The following STK39 variants were observed in gnomAD, a reference collection of about 807,000 sequenced individuals.
STK39 encodes the protein serine/threonine kinase 39.
STK39 carries 20 observed loss-of-function variants against 77.8 expected under a neutral mutation model. The observed-to-expected ratio is 0.26, with a 90% CI of 0.18 to 0.37. The LOEUF is 0.37. Among genes scored for constraint, STK39 ranks in the 10% least tolerant of loss-of-function variants. STK39 has a pLI of 1.00. For synonymous variants in STK39, 246 were observed against 234.1 expected, an observed-to-expected ratio of 1.05 and a Z score of -0.47; for missense variants, 479 against 656.5, an observed-to-expected ratio of 0.73 and a Z score of 2.95.
rs1690972465 is a variant in STK39, at chr2:168,247,557, C to G, written c.-122G>C. ...ACGCCCTCCCCGCCCGCCGCCGCCG[C>G]CGCCGTCCCCGCCGAAGCCAGCTAG... On this transcript the variant is annotated 5_prime_UTR_variant, in exon 1 of 18. Coordinates refer to ENST00000355999, the MANE Select transcript of STK39 (RefSeq NM_013233.3). The G allele has an allele frequency of 1.4e-6, 1 of 728,272 alleles. No homozygotes were observed. The highest frequency in any genetic ancestry group is 4.1e-5 in the South Asian group (1 of 24,114). 45.1% of individuals were successfully genotyped at this position (728,272 alleles called of 1,614,324 possible).
intron 1 of STK39, among the ~76,000 whole-genome samples, chr2:168,238,645 T>G (rs1690680678): frequency 6.6e-6 from 1 of 152,246 alleles, no homozygotes; most frequent in Non-Finnish European, 1.5e-5. Context: ...AGAAGAAATG[T>G]GAAACATATC....
At chr2:168,074,851 A>G (rs1287081491) in intron 12 of STK39, 131 bp downstream of exon 12, 2 of 1,055,250 alleles carry the variant, frequency 1.9e-6, no homozygotes, top group African/African-American at 3.2e-5. Flanking sequence ...TAGGAGCTGC[A>G]AAGTCCTCGT....
intron 15 of STK39, among the ~76,000 whole-genome samples, chr2:168,014,277 G>T (rs1319494008): frequency 6.6e-6 from 1 of 151,976 alleles, no homozygotes; most frequent in East Asian, 1.9e-4. Flanking sequence ...TTGAGCCCAG[G>T]AGTTACAGAC....
At chr2:168,018,536 A>AG (rs1684479482) in intron 14 of STK39, among the ~76,000 whole-genome samples, 3 of 73,650 alleles carry the variant, frequency 4.1e-5, no homozygotes, top group East Asian at 3.0e-4. Context: ...AAGAAAAGAA[A>AG]GAAAAGAAAG....
chr2:167,969,407 G>A (rs1692260713), intron 16 of STK39, among the ~76,000 whole-genome samples: 1 of 152,124 alleles, frequency 6.6e-6, no homozygotes, highest in African/African-American at 2.4e-5. Context: ...CATGGTCAGT[G>A]AGACCCTCCA....
At chr2:168,111,247 C>T (rs1687113562) in intron 10 of STK39, among the ~76,000 whole-genome samples, 1 of 152,064 alleles carries the variant, frequency 6.6e-6, no homozygotes, top group African/African-American at 2.4e-5. Flanking sequence ...GTTATTCATA[C>T]CTTTATCAAC....
At chr2:168,000,271 T>C (rs1683967249) in intron 16 of STK39, among the ~76,000 whole-genome samples, 1 of 152,206 alleles carries the variant, frequency 6.6e-6, no homozygotes, top group Non-Finnish European at 1.5e-5. Context: ...CATAAAAAGT[T>C]CATCATGAAA....
intron 1 of STK39, among the ~76,000 whole-genome samples, chr2:168,195,426 C>A (rs967580592): frequency 3.9e-5 from 6 of 152,030 alleles, no homozygotes; most frequent in South Asian, 2.1e-4. Flanking sequence ...AAGACAGTTA[C>A]CTACCATTGA....
intron 10 of STK39, among the ~76,000 whole-genome samples, chr2:168,100,794 T>C (rs1686803067): frequency 6.6e-6 from 1 of 152,174 alleles, no homozygotes; most frequent in Non-Finnish European, 1.5e-5. Context: ...TGGAAGACAG[T>C]GTGGTGATTC....
intron 16 of STK39, among the ~76,000 whole-genome samples, chr2:168,005,469 A>G (rs1684108551): frequency 6.6e-6 from 1 of 152,172 alleles, no homozygotes; most frequent in African/African-American, 2.4e-5. Flanking sequence ...TGGAAGATAC[A>G]GCAATATTTA....
rs777349157 is a variant in STK39 at position 168,075,044 on chromosome 2, T to TAC, written c.1213-35_1213-34dup. The TAC allele has an allele frequency of 2.0e-5, 32 of 1,613,808 alleles. 1 individual carries two copies. The highest frequency in any genetic ancestry group is 2.5e-5 in the Non-Finnish European group (30 of 1,179,912). ...ACAATTATGTATCCATTAATATATA[T>TAC]ACACACACACAATCACAAAAATAAA... On this transcript the variant is annotated intron_variant, in intron 11 of 17. Coordinates refer to ENST00000355999, the MANE Select transcript of STK39 (RefSeq NM_013233.3).
intron 1 of STK39, among the ~76,000 whole-genome samples, chr2:168,186,308 T>A (rs1364971075): frequency 6.6e-6 from 1 of 152,212 alleles, no homozygotes; most frequent in Non-Finnish European, 1.5e-5. Context: ...GAAATACATT[T>A]CTGTTGTTTA....
At chr2:168,161,923 A>G in intron 4 of STK39, 81 bp from the exon 5 acceptor site, 2 of 973,244 alleles carry the variant, frequency 2.1e-6, no homozygotes, top group Non-Finnish European at 3.1e-6. Context: ...ATTTTAAAAC[A>G]TATCATACAA....
At chr2:168,141,726 G>A (rs1249408991) in intron 5 of STK39, among the ~76,000 whole-genome samples, 1 of 152,196 alleles carries the variant, frequency 6.6e-6, no homozygotes, top group Non-Finnish European at 1.5e-5. Flanking sequence ...AGCGCAATGT[G>A]CAGTCTGAGC....
chr2:168,132,380 G>A (rs1260483963), intron 8 of STK39, among the ~76,000 whole-genome samples: 2 of 151,708 alleles, frequency 1.3e-5, no homozygotes, highest in East Asian at 3.9e-4. Flanking sequence ...CAACCCCACT[G>A]CTTCGCAAAT....
intron 14 of STK39, among the ~76,000 whole-genome samples, chr2:168,058,549 C>G (rs1408021666): frequency 6.6e-6 from 1 of 152,234 alleles, no homozygotes; most frequent in East Asian, 1.9e-4. Context: ...AAATCCCTAC[C>G]TGATACATCC....
intron 10 of STK39, among the ~76,000 whole-genome samples, chr2:168,115,977 T>A (rs1687248710): frequency 6.6e-6 from 1 of 152,202 alleles, no homozygotes; most frequent in South Asian, 2.1e-4. Context: ...AGTCTCCATG[T>A]CACAGACAAG....
chr2:167,982,949 C>T (rs982559309), intron 16 of STK39, among the ~76,000 whole-genome samples: 2 of 152,066 alleles, frequency 1.3e-5, no homozygotes, highest in African/African-American at 4.8e-5. Context: ...TAGTAAAGGC[C>T]AAGGTAGCAT....
chr2:168,107,417 A>C (rs1330689245), intron 10 of STK39, among the ~76,000 whole-genome samples: 1 of 152,202 alleles, frequency 6.6e-6, no homozygotes, highest in African/African-American at 2.4e-5. Context: ...CCTTCTTGAA[A>C]GAAGAAAATA....
Sources: gnomAD v4.1 joint callset for allele counts (sites outside exome capture counted in the v4.1 genomes callset) on GRCh38, gnomAD v4.1.1 for gene constraint, MANE v1.5 for transcripts, NCBI Gene and HGNC (gene_info 2026-07-23, HGNC 2026-07-21) for gene names.